Variants in TBC1D5 observed in about 807,000 individuals in gnomAD.
TBC1D5 encodes TBC1 domain family, member 5.
In TBC1D5, 75 loss-of-function variants were observed where a neutral mutation model predicts 100.3. That is an observed-to-expected ratio of 0.75 (90% confidence interval 0.62 to 0.91). The LOEUF is 0.91. Among genes scored for constraint, TBC1D5 ranks in the 40% least tolerant of loss-of-function variants. TBC1D5 has a pLI of 0.00. For synonymous variants in TBC1D5, 323 were observed against 325.6 expected (o/e 0.99, Z 0.09); for missense variants, 910 against 942.4 (o/e 0.97, Z 0.45).
intron 16 of TBC1D5, among the ~76,000 whole-genome samples, chr3:17,247,721 G>C (rs2076853984): frequency 6.6e-6 from 1 of 152,176 alleles, no homozygotes; most frequent in Non-Finnish European, 1.5e-5. Flanking sequence ...CTTTAAAATT[G>C]GAGTCAATCC....
chr3:17,558,415 A>G (rs2096535884), intron 2 of TBC1D5, among the ~76,000 whole-genome samples: 1 of 152,216 alleles, frequency 6.6e-6, no homozygotes, highest in Non-Finnish European at 1.5e-5. Flanking sequence ...CATAGTCAAT[A>G]TAAAATGGAC....
intron 1 of TBC1D5, among the ~76,000 whole-genome samples, chr3:17,738,454 G>A (rs1012173632): frequency 2.0e-5 from 3 of 152,034 alleles, no homozygotes; most frequent in Non-Finnish European, 4.4e-5. Flanking sequence ...CCATTTTAAA[G>A]ATGAGAAAAG....
intron 2 of TBC1D5, among the ~76,000 whole-genome samples, chr3:17,600,132 C>T (rs977478098): frequency 3.9e-5 from 6 of 152,188 alleles, no homozygotes; most frequent in Admixed American, 1.3e-4. Context: ...TGGTTCTAAA[C>T]AGCATTTCAA....
At chr3:17,731,805 A>G (rs552648480) in intron 1 of TBC1D5, among the ~76,000 whole-genome samples, 4 of 152,280 alleles carry the variant, frequency 2.6e-5, no homozygotes, top group Admixed American at 2.0e-4. Context: ...TCTGGCTTGA[A>G]TAACTAGGGA....
chr3:17,432,170 T>C (rs1263332517), intron 3 of TBC1D5, among the ~76,000 whole-genome samples: 1 of 152,102 alleles, frequency 6.6e-6, no homozygotes, highest in Non-Finnish European at 1.5e-5. Context: ...ATTAGAGAAC[T>C]GTCAACATAC....
rs562966321 is a variant in TBC1D5 at position 17,665,690 on chromosome 3, G to A, written c.-100-41777C>T. 2.0e-5 allele frequency among the ~76,000 whole-genome samples: 3 copies of A among 152,242 alleles called. No homozygotes were observed. In the South Asian group the frequency reaches 6.2e-4, roughly 32 times the overall value. ...TCCTGATCAGTGTGCTGTATGATTG[G>A]TTCTTTGTTCCTAAGATAATTATTT... is the stretch of plus-strand genomic sequence containing the variant. On this transcript the variant is annotated intron_variant, in intron 1 of 21. Coordinates refer to ENST00000253692, the Ensembl canonical transcript of TBC1D5.
chr3:17,179,421 A>G (rs1203911237), intron 19 of TBC1D5, among the ~76,000 whole-genome samples: 2 of 152,232 alleles, frequency 1.3e-5, no homozygotes, highest in African/African-American at 2.4e-5. Context: ...GATGTTCAAA[A>G]CTGGCCTCCT....
At chr3:17,682,439 T>A (rs532463750) in intron 1 of TBC1D5, among the ~76,000 whole-genome samples, 1 of 151,412 alleles carries the variant, frequency 6.6e-6, no homozygotes, top group Non-Finnish European at 1.5e-5. Flanking sequence ...AACATCAGAG[T>A]TATCATTTAC....
intron 4 of TBC1D5, among the ~76,000 whole-genome samples, chr3:17,407,302 T>A (rs2152455470): frequency 6.6e-6 from 1 of 152,252 alleles, no homozygotes; most frequent in South Asian, 2.1e-4. Context: ...TTTACTGAGT[T>A]TGAATAAAGC....
intron 16 of TBC1D5, among the ~76,000 whole-genome samples, chr3:17,250,185 G>A (rs534044624): frequency 1.3e-5 from 2 of 152,240 alleles, no homozygotes; most frequent in South Asian, 2.1e-4. Context: ...ATTACACATT[G>A]AGTCCATCAG....
At chr3:17,178,331 C>T (rs2068050280) in intron 19 of TBC1D5, among the ~76,000 whole-genome samples, 1 of 152,016 alleles carries the variant, frequency 6.6e-6, no homozygotes, top group African/African-American at 2.4e-5. Context: ...TCCCAAAGTG[C>T]TGGGATTACA....
At chr3:17,383,630 GC>G (rs1220766200) in intron 9 of TBC1D5, among the ~76,000 whole-genome samples, 1 of 151,902 alleles carries the variant, frequency 6.6e-6, no homozygotes, top group African/African-American at 2.4e-5. Flanking sequence ...TTACTAGATT[GC>G]CTTCAAAGAT....
chr3:17,656,398 C>T (rs1179113009), intron 1 of TBC1D5, among the ~76,000 whole-genome samples: 1 of 152,128 alleles, frequency 6.6e-6, no homozygotes, highest in Non-Finnish European at 1.5e-5. Flanking sequence ...GGAAAGTTAA[C>T]AATGCAAGCC....
At chr3:17,167,120 G>A (rs2066698425) in intron 20 of TBC1D5, among the ~76,000 whole-genome samples, 192 bp from the exon 22 acceptor site, 1 of 152,178 alleles carries the variant, frequency 6.6e-6, no homozygotes, top group Non-Finnish European at 1.5e-5. Context: ...GCTTAGCAGT[G>A]AGCAAGAAAA....
chr3:17,607,326 T>C (rs938895534), intron 2 of TBC1D5, among the ~76,000 whole-genome samples: 1 of 152,080 alleles, frequency 6.6e-6, no homozygotes. Context: ...TGGAATAAAA[T>C]CCTTTTTAGA....
chr3:17,411,369 T>C (rs765591659), intron 4 of TBC1D5, among the ~76,000 whole-genome samples: 11 of 152,202 alleles, frequency 7.2e-5, no homozygotes, highest in Non-Finnish European at 1.6e-4. Context: ...GTTGCTTTAC[T>C]GCAGTTGTTT....
rs1467722473 is a variant in TBC1D5 at position 17,501,510 on chromosome 3, C to T, written c.97+6964G>A. On this transcript the variant is annotated intron_variant, in intron 3 of 21. Coordinates refer to ENST00000253692, the Ensembl canonical transcript of TBC1D5. ...CCTCACCATCCCTGTTACTCTTAGA[C>T]ATCAAGCAAAATTTTGGCCCTACTG... 1.3e-5 allele frequency among the ~76,000 whole-genome samples: 2 copies of T among 149,064 alleles called. 1 individual carries two copies. The highest frequency in any genetic ancestry group is 5.1e-5 in the African/African-American group (2 of 39,050).
Position 17,630,639 on chromosome 3 carries a change from T to C in TBC1D5, c.-100-6726A>G, listed in dbSNP as rs374082389. Among the ~76,000 whole-genome samples the C allele has an allele frequency of 8.1e-4, 124 of 152,270 alleles. 5 individuals are homozygous for C. In the South Asian group the frequency reaches 0.021, roughly 26 times the overall value. ...ACAATACTGAAATTAGGTCAATTAA[T>C]GGCCTTACAACGGCCTCTTAGTGTT... is the stretch of plus-strand genomic sequence containing the variant. On this transcript the variant is annotated intron_variant, in intron 1 of 21. Transcript: ENST00000253692.
At chr3:17,709,390 A>G (rs1208034852) in intron 1 of TBC1D5, among the ~76,000 whole-genome samples, 1 of 152,190 alleles carries the variant, frequency 6.6e-6, no homozygotes, top group Non-Finnish European at 1.5e-5. Flanking sequence ...TGATAGACTA[A>G]ACATACATTC....
Sources: gnomAD v4.1 joint callset for allele counts (sites outside exome capture counted in the v4.1 genomes callset) on GRCh38, gnomAD v4.1.1 for gene constraint, MANE v1.5 for transcripts, NCBI Gene and HGNC (gene_info 2026-07-23, HGNC 2026-07-21) for gene names.